RSPO2: variants seen among roughly 807,000 people sequenced by gnomAD.
RSPO2 encodes the protein R-spondin-2.
In RSPO2, 14 loss-of-function variants were observed where a neutral mutation model predicts 30.9. The ratio of observed to expected loss-of-function variants is 0.45; its 90% CI spans 0.30 to 0.71. RSPO2 has a LOEUF of 0.71. Ranked by LOEUF, RSPO2 falls within the 30% of genes least tolerant of loss-of-function variation. RSPO2 has a pLI of 0.08. For missense variants in RSPO2, 264 were observed against 301.9 expected, an observed-to-expected ratio of 0.87 and a Z score of 0.93; for synonymous variants, 107 against 96.4, an observed-to-expected ratio of 1.11 and a Z score of -0.64.
At chr8:107,913,058 A>G (rs1158449968) in intron 5 of RSPO2, among the ~76,000 whole-genome samples, 1 of 151,954 alleles carries the variant, frequency 6.6e-6, no homozygotes, top group Non-Finnish European at 1.5e-5. Context: ...ATAATCAAAG[A>G]AAGGTAATTG....
intron 2 of RSPO2, among the ~76,000 whole-genome samples, chr8:108,056,733 T>G (rs1258313052): frequency 6.6e-6 from 1 of 151,582 alleles, no homozygotes; most frequent in African/African-American, 2.4e-5. Context: ...TTAACTGGTA[T>G]TTCTAGTTCC....
chr8:108,011,156 G>C (rs1305475170), intron 2 of RSPO2, among the ~76,000 whole-genome samples: 1 of 95,556 alleles, frequency 1.0e-5, no homozygotes, highest in South Asian at 3.3e-4. Flanking sequence ...AAAAAAGAAA[G>C]AAAGAAAGAA....
chr8:107,996,114 A>C (rs1281384969), intron 2 of RSPO2, among the ~76,000 whole-genome samples: 1 of 152,092 alleles, frequency 6.6e-6, no homozygotes, highest in African/African-American at 2.4e-5. Context: ...AAGGGTAAAA[A>C]ATTGAGGGAG....
Position 107,899,780 on chromosome 8 carries a change from T to A in RSPO2, c.*1295A>T, listed in dbSNP as rs998923379. On this transcript the variant is annotated 3_prime_UTR_variant, in exon 6 of 6. Transcript: ENST00000276659. ...AAAACTGGTTCCCCTAAAAGGACAA[T>A]GATGTGTTTGAAACAACTGCTCTGA... 5.3e-5 allele frequency: 8 copies of A among 152,206 alleles called. No homozygotes were observed. The highest frequency in any genetic ancestry group is 1.7e-4 in the African/African-American group (7 of 41,456). 9.4% of individuals were successfully genotyped at this position (152,206 alleles called of 1,614,324 possible). A position where few individuals can be genotyped will look rare whatever the true frequency, so the allele number is the denominator to read the frequency against.
chr8:108,012,244 C>CA (rs1441914302), intron 2 of RSPO2, among the ~76,000 whole-genome samples: 2 of 152,196 alleles, frequency 1.3e-5, no homozygotes, highest in African/African-American at 4.8e-5. Flanking sequence ...TCTTGCTATA[C>CA]AAAACATGGT....
rs186259910 is a variant in RSPO2 at position 108,080,928 on chromosome 8, G to A, written c.94+1617C>T. Among the ~76,000 whole-genome samples, 7 of 152,248 alleles carry A rather than the reference G, an allele frequency of 4.6e-5. No individual in the cohort carries two copies. In the East Asian group the frequency reaches 1.3e-3, roughly 29 times the overall value. ...AAATTGCTGGCTCTGCCGAATACTCGAAAGAAAGTACTGGGATTGAGAAAG... is the reference window on the plus strand; with the variant it reads ...AAATTGCTGGCTCTGCCGAATACTCAAAAGAAAGTACTGGGATTGAGAAAG... On this transcript the variant is annotated intron_variant, in intron 2 of 5. Coordinates refer to ENST00000276659, the MANE Select transcript of RSPO2 (RefSeq NM_178565.5).
intron 3 of RSPO2, among the ~76,000 whole-genome samples, chr8:107,963,522 CAAAAA>C (rs61697128): frequency 0.2 from 6,027 of 30,640 alleles, 159 homozygotes; most frequent in Middle Eastern, 0.33. Context: ...AGACCTGTCT[CAAAAA>C]AAAAAAAAAA....
intron 5 of RSPO2, among the ~76,000 whole-genome samples, chr8:107,945,352 T>C (rs547086692): frequency 4.2e-4 from 61 of 146,216 alleles, no homozygotes; most frequent in Non-Finnish European, 8.4e-4. Flanking sequence ...GGGTTCATGC[T>C]ATCCTCCTGC....
At chr8:107,928,677 G>A (rs1262329019) in intron 5 of RSPO2, among the ~76,000 whole-genome samples, 1 of 152,168 alleles carries the variant, frequency 6.6e-6, no homozygotes, top group Non-Finnish European at 1.5e-5. Flanking sequence ...ACTGAGCCTT[G>A]GTTTCAGCCT....
At chr8:107,952,920 A>G (rs1813303114) in intron 5 of RSPO2, among the ~76,000 whole-genome samples, 1 of 152,216 alleles carries the variant, frequency 6.6e-6, no homozygotes, top group South Asian at 2.1e-4. Flanking sequence ...AGAAAGAAAG[A>G]ATACCCTAAA....
chr8:108,066,912 G>A (rs1372685823), intron 2 of RSPO2, among the ~76,000 whole-genome samples: 1 of 152,084 alleles, frequency 6.6e-6, no homozygotes, highest in Non-Finnish European at 1.5e-5. Flanking sequence ...TGTGCCTCCT[G>A]GTGTGATGTA....
intron 5 of RSPO2, among the ~76,000 whole-genome samples, chr8:107,919,645 C>T (rs1263100671): frequency 5.3e-5 from 8 of 151,944 alleles, no homozygotes; most frequent in African/African-American, 1.5e-4. Flanking sequence ...ACCTTGTGGC[C>T]CCCACCCAGG....
chr8:108,033,620 T>C (rs1811499841), intron 2 of RSPO2, among the ~76,000 whole-genome samples: 1 of 152,252 alleles, frequency 6.6e-6, no homozygotes, highest in Non-Finnish European at 1.5e-5. Context: ...TTGGAGTCAC[T>C]GAATTATATT....
At chr8:108,006,549 A>G (rs1815457449) in intron 2 of RSPO2, among the ~76,000 whole-genome samples, 1 of 152,024 alleles carries the variant, frequency 6.6e-6, no homozygotes, top group Non-Finnish European at 1.5e-5. Context: ...AAGACAGACA[A>G]GAAGGCTCTA....
At chr8:108,017,127 C>T (rs1341882693) in intron 2 of RSPO2, among the ~76,000 whole-genome samples, 1 of 151,962 alleles carries the variant, frequency 6.6e-6, no homozygotes, top group Non-Finnish European at 1.5e-5. Flanking sequence ...CACCATTCTC[C>T]TGCCTCAGCC....
At chr8:107,981,593 C>A (rs964500995) in intron 3 of RSPO2, among the ~76,000 whole-genome samples, 1 of 152,114 alleles carries the variant, frequency 6.6e-6, no homozygotes, top group East Asian at 1.9e-4. Context: ...TGTAGTAATT[C>A]TTTAAAAACA....
intron 2 of RSPO2, among the ~76,000 whole-genome samples, chr8:108,030,892 A>G (rs1811399320): frequency 6.6e-6 from 1 of 152,208 alleles, no homozygotes; most frequent in Non-Finnish European, 1.5e-5. Context: ...GATACATTTT[A>G]TCAAGCATAT....
intron 3 of RSPO2, among the ~76,000 whole-genome samples, chr8:107,964,235 G>A (rs867107146): frequency 1.3e-5 from 2 of 152,072 alleles, no homozygotes; most frequent in East Asian, 1.9e-4. Flanking sequence ...GCATTCATTC[G>A]TTCATTCATT....
chr8:107,911,995 T>C (rs1191296114), intron 5 of RSPO2, among the ~76,000 whole-genome samples: 4 of 152,132 alleles, frequency 2.6e-5, no homozygotes, highest in Admixed American at 2.0e-4. Flanking sequence ...ACAACCCATA[T>C]TCCTCAAATC....
Sources: allele counts gnomAD v4.1 joint callset (sites outside exome capture counted in the v4.1 genomes callset), GRCh38; gene constraint gnomAD v4.1.1; transcripts MANE v1.5; gene names NCBI Gene and HGNC (gene_info 2026-07-23, HGNC 2026-07-21).